The following TCF4 variants were observed in gnomAD, a reference collection of about 807,000 sequenced individuals.
The protein encoded by TCF4 is transcription factor 4, also known as SL3-3 enhancer factor 2.
TCF4 carries 3 observed loss-of-function variants against 82.1 expected under a neutral mutation model. The observed-to-expected ratio is 0.04, with a 90% CI of 0.02 to 0.09. The LOEUF is 0.09. TCF4 is among the 10% of genes least tolerant of loss of function. The probability of loss-of-function intolerance (pLI) is 1.00; values close to 1 mark genes in which losing one functional copy is unlikely to be tolerated. For synonymous variants in TCF4, 276 were observed against 309.6 expected (o/e 0.89, Z 1.14); for missense variants, 518 against 852.7 (o/e 0.61, Z 4.89).
intron 5 of TCF4, among the ~76,000 whole-genome samples, chr18:55,456,326 C>T (rs1444941950): frequency 2.6e-5 from 4 of 152,116 alleles, no homozygotes; most frequent in African/African-American, 4.8e-5. Context: ...TACCCTATGG[C>T]GGTAAATTAT....
intron 3 of TCF4, among the ~76,000 whole-genome samples, chr18:55,513,060 G>A (rs994026588): frequency 8.5e-5 from 13 of 152,136 alleles, no homozygotes; most frequent in African/African-American, 2.4e-4. Context: ...AGAAGATAAA[G>A]GGGCACCATC....
intron 12 of TCF4, chr18:55,261,254 T>C: frequency 1.6e-6 from 1 of 630,586 alleles, no homozygotes; most frequent in Non-Finnish European, 2.8e-6. Flanking sequence ...GAGTGCAGCT[T>C]AGTACCATTT....
intron 5 of TCF4, among the ~76,000 whole-genome samples, chr18:55,418,323 T>C (rs1377383568): frequency 1.3e-5 from 2 of 152,184 alleles, no homozygotes; most frequent in African/African-American, 2.4e-5. Context: ...TTTTGCTTTA[T>C]GTTGAAACTT....
chr18:55,426,602 T>C (rs2147072322), intron 5 of TCF4, among the ~76,000 whole-genome samples: 1 of 152,330 alleles, frequency 6.6e-6, no homozygotes, highest in South Asian at 2.1e-4. Flanking sequence ...TCTGCTTAAA[T>C]TCCTTGTGCA....
rs1057478763 is a variant in TCF4, at chr18:55,424,592, A to C, written c.305-21074T>G. 5.9e-5 allele frequency among the ~76,000 whole-genome samples: 9 copies of C among 152,218 alleles called. No individual in the cohort carries two copies. The South Asian group carries it at 1.7e-3, about 28-fold the overall frequency. ...ACAACAACTAAGGGGGGAGCAGAGA[A>C]AGACAGTAACCAATAGAATCAAAAG... On this transcript the variant is annotated intron_variant, in intron 5 of 19. Transcript: ENST00000354452.
chr18:55,464,734 T>A (rs977294830), intron 3 of TCF4, among the ~76,000 whole-genome samples: 7 of 152,146 alleles, frequency 4.6e-5, no homozygotes, highest in African/African-American at 1.7e-4. Context: ...CTTTTTTTTT[T>A]AAACTAGACA....
At chr18:55,570,586 T>G (rs902425503) in intron 3 of TCF4, among the ~76,000 whole-genome samples, 1 of 152,058 alleles carries the variant, frequency 6.6e-6, no homozygotes. Context: ...AAATGCAAAT[T>G]AAGACCACAA....
intron 5 of TCF4, among the ~76,000 whole-genome samples, chr18:55,428,477 TCTTCA>T (rs2095070662): frequency 6.6e-6 from 1 of 152,200 alleles, no homozygotes; most frequent in Non-Finnish European, 1.5e-5. Flanking sequence ...CTACTTCATG[TCTTCA>T]CTTGACTGGT....
At chr18:55,506,037 CCT>C (rs1308328665) in intron 3 of TCF4, among the ~76,000 whole-genome samples, 3 of 152,284 alleles carry the variant, frequency 2.0e-5, no homozygotes, top group Non-Finnish European at 4.4e-5. Context: ...AACAGAGACA[CCT>C]CTTTGAGAAA....
intron 8 of TCF4, among the ~76,000 whole-genome samples, chr18:55,312,999 T>A (rs1198697814): frequency 2.0e-5 from 3 of 152,136 alleles, no homozygotes; most frequent in African/African-American, 7.2e-5. Flanking sequence ...TGTAAGAAAG[T>A]GGAAATGTGA....
At chr18:55,303,148 A>G (rs1391891241) in intron 8 of TCF4, among the ~76,000 whole-genome samples, 1 of 152,060 alleles carries the variant, frequency 6.6e-6, no homozygotes, top group East Asian at 1.9e-4. Context: ...CAGACAGAAA[A>G]GAAAGAAAAT....
intron 5 of TCF4, among the ~76,000 whole-genome samples, chr18:55,409,055 A>G (rs2094224485): frequency 6.6e-6 from 1 of 152,244 alleles, no homozygotes; most frequent in Non-Finnish European, 1.5e-5. Context: ...ATCTCCGCAC[A>G]TTAACACAAA....
chr18:55,463,301 C>T (rs1176399467), intron 4 of TCF4, among the ~76,000 whole-genome samples: 2 of 152,170 alleles, frequency 1.3e-5, no homozygotes, highest in East Asian at 3.9e-4. Flanking sequence ...GATCTACTTC[C>T]TCATTTTGCA....
At chr18:55,243,518 G>A (rs1002934185) in intron 15 of TCF4, among the ~76,000 whole-genome samples, 1 of 152,134 alleles carries the variant, frequency 6.6e-6, no homozygotes, top group Non-Finnish European at 1.5e-5. Flanking sequence ...CAGAAGAAAG[G>A]ATTTAATAAA....
intron 1 of TCF4, 64 bp from the exon 2 acceptor site, chr18:55,587,200 G>A: frequency 1.3e-6 from 1 of 756,034 alleles, no homozygotes; most frequent in Non-Finnish European, 2.0e-6. Context: ...AAACACAATC[G>A]GATTTTTGGA....
intron 8 of TCF4, among the ~76,000 whole-genome samples, chr18:55,326,395 C>A (rs1004478144): frequency 4.5e-5 from 4 of 88,726 alleles, no homozygotes; most frequent in Non-Finnish European, 8.0e-5. Flanking sequence ...CCTTAAAGAG[C>A]AGCAGCAAAA....
chr18:55,453,100 G>A (rs1275958231), intron 5 of TCF4, among the ~76,000 whole-genome samples: 1 of 152,098 alleles, frequency 6.6e-6, no homozygotes, highest in African/African-American at 2.4e-5. Flanking sequence ...TATTTCCCAG[G>A]CTGCATTCCC....
intron 3 of TCF4, among the ~76,000 whole-genome samples, chr18:55,571,801 AAC>A (rs1159915364): frequency 6.6e-6 from 1 of 151,512 alleles, no homozygotes; most frequent in Non-Finnish European, 1.5e-5. Context: ...GCATAAAGAA[AAC>A]ACACATCATA....
intron 2 of TCF4, among the ~76,000 whole-genome samples, chr18:55,621,770 TATATA>T (rs1342187636): frequency 3.8e-4 from 35 of 92,140 alleles, no homozygotes; most frequent in Non-Finnish European, 4.5e-4. Flanking sequence ...TAACATATAA[TATATA>T]ATATAATATA....
Sources: allele counts gnomAD v4.1 joint callset (sites outside exome capture counted in the v4.1 genomes callset), GRCh38; gene constraint gnomAD v4.1.1; transcripts MANE v1.5; gene names NCBI Gene and HGNC (gene_info 2026-07-23, HGNC 2026-07-21).